Variants in LINGO2 observed in about 807,000 individuals in gnomAD.
LINGO2 encodes leucine-rich repeat and immunoglobulin-like domain-containing nogo receptor-interacting protein 2.
In LINGO2, 14 loss-of-function variants were observed where a neutral mutation model predicts 30.6. The observed-to-expected ratio is 0.46, with a 90% CI of 0.30 to 0.72. The LOEUF (loss-of-function observed/expected upper bound fraction) is 0.72, where lower values mean the gene tolerates loss of function less well. LINGO2 is among the 30% of genes least tolerant of loss of function. LINGO2 has a pLI of 0.07. For missense variants in LINGO2, 729 were observed against 751.7 expected (o/e 0.97, Z 0.35); for synonymous variants, 317 against 288.5 (o/e 1.10, Z -1.00).
intron 2 of LINGO2, among the ~76,000 whole-genome samples, chr9:28,385,091 A>G (rs1337604192): frequency 6.6e-6 from 1 of 152,192 alleles, no homozygotes; most frequent in East Asian, 1.9e-4. Flanking sequence ...AGGAGGGCAC[A>G]AGAAAGGTGT....
At chr9:28,217,099 TATA>T (rs2133881560) in intron 4 of LINGO2, among the ~76,000 whole-genome samples, 1 of 150,538 alleles carries the variant, frequency 6.6e-6, no homozygotes, top group South Asian at 2.1e-4. Context: ...TGATAAAATA[TATA>T]ATATGTAATA....
intron 4 of LINGO2, among the ~76,000 whole-genome samples, chr9:28,191,477 G>A (rs1238349662): frequency 6.6e-6 from 1 of 152,096 alleles, no homozygotes; most frequent in African/African-American, 2.4e-5. Flanking sequence ...TAGGCAGGAA[G>A]AATAAAATAA....
At chr9:28,514,225 A>G (rs1820529526) in intron 1 of LINGO2, among the ~76,000 whole-genome samples, 1 of 152,190 alleles carries the variant, frequency 6.6e-6, no homozygotes. Context: ...AGACGCAACA[A>G]CATTGAAATT....
chr9:28,335,264 A>T (rs994455425), intron 3 of LINGO2, among the ~76,000 whole-genome samples: 4 of 152,136 alleles, frequency 2.6e-5, no homozygotes, highest in African/African-American at 9.7e-5. Context: ...GTTACATTCC[A>T]TGCATATTTG....
the LINGO2 span, among the ~76,000 whole-genome samples, chr9:28,914,073 G>A: frequency 1.3e-5 from 2 of 152,186 alleles, no homozygotes; most frequent in East Asian, 3.9e-4. Context: ...AGACTTTCCT[G>A]TGATAAAGCA....
At chr9:28,444,763 A>C (rs1824357051) in intron 2 of LINGO2, among the ~76,000 whole-genome samples, 1 of 151,976 alleles carries the variant, frequency 6.6e-6, no homozygotes, top group Non-Finnish European at 1.5e-5. Flanking sequence ...TGCCCACCCC[A>C]CTGCAGCAGC....
the LINGO2 span, among the ~76,000 whole-genome samples, chr9:29,040,426 T>A: frequency 1.3e-5 from 2 of 151,992 alleles, no homozygotes; most frequent in African/African-American, 4.8e-5. Context: ...TAAAACTGAG[T>A]ACAATCCAGA....
chr9:29,020,881 T>C, the LINGO2 span, among the ~76,000 whole-genome samples: 2 of 152,168 alleles, frequency 1.3e-5, no homozygotes, highest in African/African-American at 4.8e-5. Context: ...ACAGGCTACA[T>C]ATAAACTTTA....
At chr9:28,530,213 A>G (rs567443364) in intron 1 of LINGO2, among the ~76,000 whole-genome samples, 2 of 152,192 alleles carry the variant, frequency 1.3e-5, no homozygotes, top group South Asian at 4.1e-4. Flanking sequence ...GACAAGTTTA[A>G]TAGCACGATG....
intron 3 of LINGO2, among the ~76,000 whole-genome samples, chr9:28,332,188 A>ATT (rs375349963): frequency 2.7e-5 from 4 of 150,726 alleles, no homozygotes; most frequent in East Asian, 3.9e-4. Flanking sequence ...TCTTTTTAGA[A>ATT]TTTTTTTTTT....
intron 2 of LINGO2, among the ~76,000 whole-genome samples, chr9:28,378,659 A>G (rs1821223337): frequency 1.3e-5 from 2 of 152,156 alleles, no homozygotes; most frequent in South Asian, 4.1e-4. Flanking sequence ...ATCATTCACT[A>G]TTCTAAACAG....
chr9:28,565,354 AT>A (rs1200897545), intron 1 of LINGO2, among the ~76,000 whole-genome samples: 1 of 149,094 alleles, frequency 6.7e-6, no homozygotes, highest in Admixed American at 6.7e-5. Flanking sequence ...CGCCCGGGTA[AT>A]TTTTTGTACT....
At chr9:28,281,225 A>AT (rs1282019521) in intron 4 of LINGO2, among the ~76,000 whole-genome samples, 3 of 152,186 alleles carry the variant, frequency 2.0e-5, no homozygotes, top group Admixed American at 6.5e-5. Context: ...AGATAACTTT[A>AT]TTTTTTTAAA....
the LINGO2 span, among the ~76,000 whole-genome samples, chr9:28,990,622 G>T: frequency 6.6e-6 from 1 of 152,130 alleles, no homozygotes; most frequent in Non-Finnish European, 1.5e-5. Context: ...GGGGCAGACT[G>T]ACACCTCACA....
At chr9:28,857,164 TA>T in the LINGO2 span, among the ~76,000 whole-genome samples, 1 of 151,996 alleles carries the variant, frequency 6.6e-6, no homozygotes, top group Non-Finnish European at 1.5e-5. Context: ...GAGACCCAGA[TA>T]AAGTCTGTTA....
the LINGO2 span, among the ~76,000 whole-genome samples, chr9:28,989,549 A>G: frequency 6.6e-6 from 1 of 152,176 alleles, no homozygotes; most frequent in Admixed American, 6.5e-5. Context: ...CTAATTCACT[A>G]TATGATTTTA....
chr9:28,430,983 T>C (rs1030824602), intron 2 of LINGO2, among the ~76,000 whole-genome samples: 1 of 147,926 alleles, frequency 6.8e-6, no homozygotes, highest in African/African-American at 2.5e-5. Flanking sequence ...GACCTCTCCA[T>C]TGAGCTTCTG....
the LINGO2 span, among the ~76,000 whole-genome samples, chr9:29,085,039 C>T: frequency 2.0e-5 from 3 of 151,810 alleles, no homozygotes; most frequent in African/African-American, 7.2e-5. Flanking sequence ...TAATTATTTT[C>T]AAACCTAGAA....
At chr9:29,182,358 T>C in the LINGO2 span, among the ~76,000 whole-genome samples, 20 of 152,096 alleles carry the variant, frequency 1.3e-4, no homozygotes, top group Non-Finnish European at 2.8e-4. Context: ...GTGTTAGGTA[T>C]GGTAAGATTT....
Sources: allele counts gnomAD v4.1 joint callset (sites outside exome capture counted in the v4.1 genomes callset), GRCh38; gene constraint gnomAD v4.1.1; transcripts MANE v1.5; gene names NCBI Gene and HGNC (gene_info 2026-07-23, HGNC 2026-07-21).